The following ITGBL1 variants were observed in gnomAD, a reference collection of about 807,000 sequenced individuals.
ITGBL1 encodes integrin subunit beta like 1.
A neutral mutation model predicts 68.5 loss-of-function variants in ITGBL1; 51 were observed. The observed-to-expected ratio is 0.74, with a 90% CI of 0.59 to 0.94. ITGBL1 has a LOEUF of 0.94. ITGBL1 is among the 40% of genes least tolerant of loss of function. The pLI is 0.00. For missense variants in ITGBL1, 649 were observed against 647.4 expected, an observed-to-expected ratio of 1.00 and a Z score of -0.03; for synonymous variants, 209 against 227.3, an observed-to-expected ratio of 0.92 and a Z score of 0.72.
intron 2 of ITGBL1, among the ~76,000 whole-genome samples, chr13:101,522,825 C>A (rs2049307871): frequency 1.3e-5 from 2 of 152,114 alleles, no homozygotes; most frequent in African/African-American, 4.8e-5. Context: ...TTGTTTTGAT[C>A]CAGGCAGACA....
chr13:101,652,537 C>A (rs191965004), intron 7 of ITGBL1, among the ~76,000 whole-genome samples: 3 of 152,286 alleles, frequency 2.0e-5, no homozygotes, highest in Admixed American at 2.0e-4. Context: ...CTATTTCTTG[C>A]ATACCTGTGA....
intron 6 of ITGBL1, among the ~76,000 whole-genome samples, chr13:101,595,372 A>G (rs2139317396): frequency 6.6e-6 from 1 of 152,294 alleles, no homozygotes; most frequent in South Asian, 2.1e-4. Context: ...TAAGCCATTC[A>G]TTAGGGATCT....
At chr13:101,563,034 C>T (rs2050125696) in intron 2 of ITGBL1, among the ~76,000 whole-genome samples, 3 of 150,438 alleles carry the variant, frequency 2.0e-5, no homozygotes, top group African/African-American at 7.3e-5. Context: ...AATAGGAAAT[C>T]TCAAAGGATA....
intron 2 of ITGBL1, among the ~76,000 whole-genome samples, chr13:101,537,064 T>G (rs932475000): frequency 1.8e-5 from 1 of 54,902 alleles, no homozygotes; most frequent in Non-Finnish European, 3.8e-5. Context: ...CTATTCCCCA[T>G]TGGATAAAAC....
chr13:101,693,470 G>A (rs2033927185), intron 8 of ITGBL1, among the ~76,000 whole-genome samples: 1 of 152,124 alleles, frequency 6.6e-6, no homozygotes, highest in Non-Finnish European at 1.5e-5. Flanking sequence ...TTTATTTTAA[G>A]TTCAGGGATG....
chr13:101,666,273 T>C (rs537131143), intron 7 of ITGBL1, among the ~76,000 whole-genome samples: 23 of 152,002 alleles, frequency 1.5e-4, no homozygotes, highest in African/African-American at 5.3e-4. Context: ...CTTCCAGGAG[T>C]CACCTTTTCT....
chr13:101,526,114 A>G (rs1270043538), intron 2 of ITGBL1, among the ~76,000 whole-genome samples: 1 of 149,768 alleles, frequency 6.7e-6, no homozygotes, highest in East Asian at 2.0e-4. Flanking sequence ...GGCAGTAAGA[A>G]CTCTGGAGCC....
chr13:101,520,164 T>TA (rs1485478974), intron 2 of ITGBL1, among the ~76,000 whole-genome samples: 2 of 152,206 alleles, frequency 1.3e-5, no homozygotes, highest in Non-Finnish European at 2.9e-5. Context: ...CTTTCTGTGT[T>TA]ATCATAGTTC....
At chr13:101,573,342 AAAATAAAT>A (rs1436788748) in intron 3 of ITGBL1, among the ~76,000 whole-genome samples, 2 of 152,190 alleles carry the variant, frequency 1.3e-5, no homozygotes, top group Admixed American at 1.3e-4. Context: ...GCAAGATAGA[AAAATAAAT>A]TCTGCAAAAT....
intron 8 of ITGBL1, 45 bp downstream of exon 8, chr13:101,692,746 C>A: frequency 8.6e-7 from 1 of 1,165,570 alleles, no homozygotes; most frequent in Non-Finnish European, 1.3e-6. Flanking sequence ...ATGCAACTTG[C>A]TTTACCTGCC....
chr13:101,492,237 C>T (rs1215510659), intron 2 of ITGBL1, among the ~76,000 whole-genome samples: 1 of 152,176 alleles, frequency 6.6e-6, no homozygotes, highest in Non-Finnish European at 1.5e-5. Context: ...GGATATAGTG[C>T]ATCGCTTTCT....
chr13:101,495,095 A>C (rs1335891582), intron 2 of ITGBL1, among the ~76,000 whole-genome samples: 1 of 152,234 alleles, frequency 6.6e-6, no homozygotes, highest in African/African-American at 2.4e-5. Context: ...AGGTTCATGA[A>C]CTGATCAGCA....
intron 2 of ITGBL1, among the ~76,000 whole-genome samples, chr13:101,485,078 T>C (rs2048682067): frequency 6.6e-6 from 1 of 152,138 alleles, no homozygotes; most frequent in South Asian, 2.1e-4. Context: ...CTTTAAAGGA[T>C]TGAAGAAAAA....
chr13:101,469,515 T>G (rs2048428757), intron 2 of ITGBL1, among the ~76,000 whole-genome samples: 1 of 152,134 alleles, frequency 6.6e-6, no homozygotes, highest in South Asian at 2.1e-4. Flanking sequence ...AAACCCTGTC[T>G]CTACTAAAAA....
At chr13:101,525,281 G>A (rs1411476915) in intron 2 of ITGBL1, among the ~76,000 whole-genome samples, 22 of 151,906 alleles carry the variant, frequency 1.4e-4, no homozygotes, top group Non-Finnish European at 1.5e-5. Context: ...TCTTGTTTGG[G>A]ATTCATTCCT....
Position 101,567,752 on chromosome 13 carries a change from G to A in ITGBL1, c.370G>A (p.Asp124Asn). ...KCKCDQGWYG[D>N]ACQYPTNCDL... ...CAAGTGTGACCAGGGATGGTATGGGGATGCTTGCCAGTACCCAACTAACTG... is the reference window on the plus strand; with the variant it reads ...CAAGTGTGACCAGGGATGGTATGGGAATGCTTGCCAGTACCCAACTAACTG... The change falls in exon 3 of 11, where the codon GAT (aspartate) becomes AAT (asparagine). Residue 124 changes from aspartate (D) to asparagine (N), a missense_variant. Transcript: ENST00000376180. The A allele has an allele frequency of 1.9e-6, 3 of 1,613,360 alleles. No homozygotes were observed. Among genetic ancestry groups the A allele is most frequent in the Non-Finnish European group, 2.5e-6 (3 of 1,179,466 alleles).
intron 6 of ITGBL1, among the ~76,000 whole-genome samples, chr13:101,597,026 A>G (rs1414397588): frequency 5.3e-5 from 8 of 152,312 alleles, no homozygotes; most frequent in Admixed American, 3.9e-4. Context: ...TCACACTCAT[A>G]CAATGTACAC....
chr13:101,517,222 G>A (rs114551342), intron 2 of ITGBL1, among the ~76,000 whole-genome samples: 145 of 152,188 alleles, frequency 9.5e-4, no homozygotes, highest in African/African-American at 3.3e-3. Flanking sequence ...AGACAGTGGC[G>A]AGCGAGAGGA....
intron 2 of ITGBL1, among the ~76,000 whole-genome samples, chr13:101,510,274 T>C (rs151209626): frequency 4.8e-4 from 73 of 152,240 alleles, no homozygotes; most frequent in Non-Finnish European, 9.7e-4. Flanking sequence ...GGCTTACTCT[T>C]CCTGTATTAA....
Sources: gnomAD v4.1 joint callset for allele counts (sites outside exome capture counted in the v4.1 genomes callset) on GRCh38, gnomAD v4.1.1 for gene constraint, MANE v1.5 for transcripts, NCBI Gene and HGNC (gene_info 2026-07-23, HGNC 2026-07-21) for gene names.